Variants in AXL observed in about 807,000 individuals in gnomAD.
AXL encodes the protein AXL receptor tyrosine kinase.
A neutral mutation model predicts 104.5 loss-of-function variants in AXL; 52 were observed. The ratio of observed to expected loss-of-function variants is 0.50; its 90% CI spans 0.40 to 0.63. The LOEUF is 0.63. Among genes scored for constraint, AXL ranks in the 20% least tolerant of loss-of-function variants. The pLI, the probability that AXL is intolerant of heterozygous loss-of-function variation, is 0.00. For synonymous variants in AXL, 455 were observed against 473.7 expected, an observed-to-expected ratio of 0.96 and a Z score of 0.51; for missense variants, 1,024 against 1,188.5, an observed-to-expected ratio of 0.86 and a Z score of 2.04.
At chr19:41,236,784 A>G (rs2034087184) in intron 6 of AXL, among the ~76,000 whole-genome samples, 2 of 110,834 alleles carry the variant, frequency 1.8e-5, no homozygotes, top group Admixed American at 1.7e-4. Context: ...CTCCAAAAAA[A>G]GGAAAAAAAA....
chr19:41,226,691 A>G (rs2033887861), intron 4 of AXL: 1 of 952,438 alleles, frequency 1.0e-6, no homozygotes, highest in Middle Eastern at 5.4e-4. Context: ...GCACGTACAC[A>G]CCATCCACAG....
At chr19:41,250,901 G>A (rs937641265) in intron 14 of AXL, among the ~76,000 whole-genome samples, 6 of 152,156 alleles carry the variant, frequency 3.9e-5, no homozygotes, top group African/African-American at 9.7e-5. Context: ...AATCTCAGCC[G>A]TGCAACCTTG....
At position 41,221,977 on chromosome 19, in the gene AXL, G is replaced by C. The variant is rs1243451610; in HGVS notation, c.507G>C (p.Val169=). The change falls in exon 4 of 20, where the codon GTG becomes GTC. Residue 169 remains valine, a synonymous_variant. Coordinates refer to ENST00000301178, the MANE Select transcript of AXL (RefSeq NM_021913.5). ...AAGCTCAGGGACCCCCAGAGCCCGT[G>C]GACCTACTCTGGCTCCAGGATGCTG... ...SCQAQGPPEP[V]DLLWLQDAVP... is the part of the protein sequence containing the mutation. The C allele has an allele frequency of 4.3e-6, 7 of 1,611,682 alleles. No homozygotes were observed. In the East Asian group the frequency reaches 1.6e-4, roughly 36 times the overall value.
At chr19:41,253,260 G>A (rs1013004105) in intron 16 of AXL, among the ~76,000 whole-genome samples, 1 of 152,168 alleles carries the variant, frequency 6.6e-6, no homozygotes, top group Non-Finnish European at 1.5e-5. Context: ...AGGAGTTGGG[G>A]CTGGGGAGAT....
rs758164020 is a variant in AXL at position 41,238,032 on chromosome 19, C to A, written c.872C>A (p.Pro291His). The part of the protein sequence containing the change: ...EPLTSQASVP[P>H]HQLRLGSLHP... ...CTCACCTCGCAAGCATCCGTGCCCCCCCATCAGCTTCGGCTAGGCAGCCTC... is the reference window on the plus strand; with the variant it reads ...CTCACCTCGCAAGCATCCGTGCCCCACCATCAGCTTCGGCTAGGCAGCCTC... Residue 291 changes from proline (P) to histidine (H), a missense_variant, in exon 7 of 20, where the codon CCC (proline) becomes CAC (histidine). This residue lies in a region of AXL where 332 missense variants were observed against 343.9 expected (regional missense o/e 0.97). Coordinates refer to ENST00000301178, the MANE Select transcript of AXL (RefSeq NM_021913.5). The A allele has an allele frequency of 3.1e-6, 5 of 1,614,012 alleles. 1 individual carries two copies. The highest frequency in any genetic ancestry group is 2.2e-5 in the East Asian group (1 of 44,860).
intron 14 of AXL, 94 bp from the exon 15 acceptor site, chr19:41,252,256 GT>G: frequency 9.8e-7 from 1 of 1,021,892 alleles, no homozygotes; most frequent in Non-Finnish European, 1.5e-6. Flanking sequence ...ATGAAGATGA[GT>G]GATGATGATG....
At chr19:41,242,024 TCAC>T (rs1341179839) in intron 10 of AXL, among the ~76,000 whole-genome samples, 2 of 152,124 alleles carry the variant, frequency 1.3e-5, no homozygotes, top group African/African-American at 4.8e-5. Flanking sequence ...TGCACAATCA[TCAC>T]ATTTCTCACA....
chr19:41,237,574 T>A (rs958289660), intron 6 of AXL, among the ~76,000 whole-genome samples: 1 of 152,152 alleles, frequency 6.6e-6, no homozygotes, highest in Non-Finnish European at 1.5e-5. Flanking sequence ...CACACTATTA[T>A]TATCGGTGCT....
At chr19:41,222,692 G>A (rs915628318) in intron 4 of AXL, among the ~76,000 whole-genome samples, 1 of 146,818 alleles carries the variant, frequency 6.8e-6, no homozygotes, top group Non-Finnish European at 1.5e-5. Flanking sequence ...GGATCACGAG[G>A]TCAGGAGATC....
intron 10 of AXL, among the ~76,000 whole-genome samples, chr19:41,240,563 C>A (rs1017796229): frequency 2.0e-5 from 3 of 152,166 alleles, no homozygotes; most frequent in Non-Finnish European, 4.4e-5. Flanking sequence ...CTCCTACACC[C>A]ATTGTCCCCT....
intron 4 of AXL, among the ~76,000 whole-genome samples, chr19:41,230,527 T>C (rs2033963614): frequency 1.3e-5 from 2 of 150,494 alleles, no homozygotes; most frequent in South Asian, 4.2e-4. Flanking sequence ...TGTCTTTGTG[T>C]GTGTCTGTGT....
At chr19:41,249,742 C>T (rs913772335) in intron 14 of AXL, among the ~76,000 whole-genome samples, 1 of 150,600 alleles carries the variant, frequency 6.6e-6, no homozygotes, top group African/African-American at 2.4e-5. Context: ...GGCGACAGAG[C>T]AAGACTCCGT....
At chr19:41,240,644 C>A (rs1400324189) in intron 10 of AXL, among the ~76,000 whole-genome samples, 1 of 152,176 alleles carries the variant, frequency 6.6e-6, no homozygotes, top group African/African-American at 2.4e-5. Flanking sequence ...TCCCTTCCTA[C>A]ATTTCTTCAC....
At chr19:41,226,799 G>A (rs1275657725) in intron 4 of AXL, 16 of 985,466 alleles carry the variant, frequency 1.6e-5, no homozygotes, top group Non-Finnish European at 1.9e-5. Flanking sequence ...GCACTTACAA[G>A]ACTTGGTCCC....
intron 6 of AXL, among the ~76,000 whole-genome samples, chr19:41,237,258 T>C (rs2034096083): frequency 6.6e-6 from 1 of 152,184 alleles, no homozygotes; most frequent in Non-Finnish European, 1.5e-5. Context: ...ATTACTATTA[T>C]TTGAGACAGA....
chr19:41,247,594 GT>G (rs1370488598), intron 12 of AXL, among the ~76,000 whole-genome samples: 1 of 152,150 alleles, frequency 6.6e-6, no homozygotes, highest in Non-Finnish European at 1.5e-5. Flanking sequence ...TTGTGTGTGT[GT>G]TTTGTTTGAG....
intron 14 of AXL, among the ~76,000 whole-genome samples, chr19:41,252,071 C>T (rs1247152678): frequency 1.4e-5 from 2 of 145,542 alleles, no homozygotes; most frequent in Admixed American, 1.4e-4. Flanking sequence ...CGAGATCAAA[C>T]CACTGCACTC....
rs770926230 is a variant in AXL at position 41,252,300 on chromosome 19, G to C, written c.1712-51G>C. ...TGATGATGGAGTGGAGGTGGAGGGAGAGTCCTCCCTCTCCTCCCCTCCTCC... is the reference window on the plus strand; with the variant it reads ...TGATGATGGAGTGGAGGTGGAGGGACAGTCCTCCCTCTCCTCCCCTCCTCC... On this transcript the variant is annotated intron_variant, in intron 14 of 19. Transcript: ENST00000301178. 12 of 1,455,366 alleles carry C rather than the reference G, an allele frequency of 8.2e-6. No homozygotes were observed. The African/African-American group carries it at 1.4e-4, about 17-fold the overall frequency. The allele number at this position is 1,455,366 out of a possible 1,614,324, so 90.2% of individuals were successfully genotyped here.
rs536813004 is a variant in AXL at position 41,242,962 on chromosome 19, C to T, written c.1392C>T (p.Val464=). The T allele has an allele frequency of 1.1e-5, 17 of 1,614,182 alleles. 1 individual carries two copies. In the South Asian group the frequency reaches 1.9e-4, roughly 18 times the overall value. The change falls in exon 11 of 20, where the codon GTC becomes GTT. Residue 464 remains valine (V), a synonymous_variant. Transcript: ENST00000301178. ...GAGCAGTCGTGGCCGCTGCCTGTGT[C>T]CTCATCTTGGCTCTCTTCCTTGTCC... ...LLGAVVAAAC[V]LILALFLVHR... is the part of the protein sequence containing the mutation.
Sources: allele counts gnomAD v4.1 joint callset (sites outside exome capture counted in the v4.1 genomes callset), GRCh38; gene constraint gnomAD v4.1.1; regional missense constraint gnomAD v4.1.1; transcripts MANE v1.5; gene names NCBI Gene and HGNC (gene_info 2026-07-23, HGNC 2026-07-21).